KRT73: variants seen among roughly 807,000 people sequenced by gnomAD.
KRT73 encodes keratin 73.
Under a neutral mutation model 47.2 loss-of-function variants are expected in KRT73, and 44 were observed. The ratio of observed to expected loss-of-function variants is 0.93; its 90% CI spans 0.73 to 1.20. KRT73 has a LOEUF of 1.20. KRT73 is among the 50% of genes most tolerant of loss of function. The probability of loss-of-function intolerance (pLI) is 0.00; values close to 1 mark genes in which losing one functional copy is unlikely to be tolerated. For missense variants in KRT73, 713 were observed against 704.5 expected, an observed-to-expected ratio of 1.01 and a Z score of -0.14; for synonymous variants, 285 against 291.3, an observed-to-expected ratio of 0.98 and a Z score of 0.22.
chr12:52,622,427 C>G (rs1480512560), upstream of KRT73, among the ~76,000 whole-genome samples: 2 of 152,140 alleles, frequency 1.3e-5, no homozygotes, highest in Non-Finnish European at 2.9e-5. Context: ...CCCTCTCCTC[C>G]CCATATATGC....
At chr12:52,626,798 C>T in the KRT73 span, among the ~76,000 whole-genome samples, 43 of 152,280 alleles carry the variant, frequency 2.8e-4, no homozygotes, top group East Asian at 5.6e-3. Context: ...GGGAAGGCAA[C>T]GCAGCCATAG....
At position 52,618,273 on chromosome 12, in the gene KRT73, G is replaced by A; in HGVS notation, c.252C>T (p.Ser84=). ...ACCCCAAGGCCACACTGCCAAACAT[G>A]CTGCCAGCAAAGCCACTGGCCCGGC... ...GRGRASGFAG[S]MFGSVALGSV... The change falls in exon 1 of 9, where the codon AGC becomes AGT. Residue 84 remains serine, a synonymous_variant. Transcript: ENST00000305748. The A allele has an allele frequency of 1.2e-6, 2 of 1,614,170 alleles. No homozygotes were observed. Among genetic ancestry groups the A allele is most frequent in the South Asian group, 1.1e-5 (1 of 91,074 alleles).
At chr12:52,623,905 A>C in the KRT73 span, among the ~76,000 whole-genome samples, 3 of 152,076 alleles carry the variant, frequency 2.0e-5, 1 homozygote, top group South Asian at 6.2e-4. Flanking sequence ...AGTAGGAGAA[A>C]AACATAAATA....
At chr12:52,624,726 T>C in the KRT73 span, among the ~76,000 whole-genome samples, 77 of 152,136 alleles carry the variant, frequency 5.1e-4, no homozygotes, top group African/African-American at 1.7e-3. Flanking sequence ...CATTCACATT[T>C]GGAGGTAATG....
chr12:52,626,340 T>C, the KRT73 span, among the ~76,000 whole-genome samples: 5 of 152,224 alleles, frequency 3.3e-5, no homozygotes, highest in Admixed American at 2.6e-4. Flanking sequence ...GCAGAGTCCA[T>C]CCTTTTAACC....
At position 52,613,739 on chromosome 12, in the gene KRT73, C is replaced by T; in HGVS notation, c.933G>A (p.Glu311=). 1.9e-6 allele frequency: 3 copies of T among 1,614,238 alleles called. No homozygotes were observed. The highest frequency in any genetic ancestry group is 2.5e-6 in the Non-Finnish European group (3 of 1,180,048). ...SIIAEVRAQY[E]EIARKSKAEA... ...CGGCCTTGCTCTTCCGGGCGATCTC[C>T]TCATACTGGGCACGGACCTCAGCAA... The change falls in exon 5 of 9, where the codon GAG becomes GAA. Residue 311 remains glutamate (E), a synonymous_variant. Coordinates refer to ENST00000305748, the MANE Select transcript of KRT73 (RefSeq NM_175068.3).
the KRT73 span, among the ~76,000 whole-genome samples, chr12:52,630,165 C>T: frequency 6.6e-6 from 1 of 152,178 alleles, no homozygotes; most frequent in African/African-American, 2.4e-5. Context: ...GGTCAAAGGC[C>T]CTGACTGGAC....
In KRT73 at chr12:52,611,997, C is replaced by T. The variant is rs114621029; in HGVS notation, c.985-668G>A. 4.7e-3 allele frequency among the ~76,000 whole-genome samples: 709 copies of T among 152,330 alleles called. 4 individuals are homozygous for T. The highest frequency in any genetic ancestry group is 0.016 in the African/African-American group (665 of 41,566). Reference sequence around the variant, plus strand: ...AACCTGTTTCCATGTGTTCTCCATCCGACCCAGAATGAATGGATGACAGAG... The same window carrying T: ...AACCTGTTTCCATGTGTTCTCCATCTGACCCAGAATGAATGGATGACAGAG... On this transcript the variant is annotated intron_variant, in intron 5 of 8. Coordinates refer to ENST00000305748, the MANE Select transcript of KRT73 (RefSeq NM_175068.3).
chr12:52,615,219 T>G, intron 3 of KRT73, 60 bp downstream of exon 3: 2 of 1,441,160 alleles, frequency 1.4e-6, no homozygotes, highest in Non-Finnish European at 1.9e-6. Context: ...CAGCTGCTCC[T>G]CTCTCTTAGC....
At chr12:52,609,870 A>G (rs188476333) in intron 7 of KRT73, 2 of 153,392 alleles carry the variant, frequency 1.3e-5, no homozygotes, top group Non-Finnish European at 2.9e-5. Flanking sequence ...GGGTAAATAG[A>G]AACCAGTATT....
At chr12:52,618,830 T>C (rs545252377), upstream of KRT73, among the ~76,000 whole-genome samples, 1 of 152,342 alleles carries the variant, frequency 6.6e-6, no homozygotes, top group Admixed American at 6.5e-5. Context: ...GTGGGAGGTT[T>C]GTCGCAGTCT....
chr12:52,617,181 C>G (rs925839952), intron 1 of KRT73, among the ~76,000 whole-genome samples: 1 of 152,196 alleles, frequency 6.6e-6, no homozygotes, highest in Non-Finnish European at 1.5e-5. Flanking sequence ...TTCCCCACCT[C>G]CATCTGAAAA....
At chr12:52,610,529 GCCCCCTCC>G in intron 7 of KRT73, 78 bp downstream of exon 7, 4 of 295,154 alleles carry the variant, frequency 1.4e-5, no homozygotes, top group Non-Finnish European at 2.7e-5. Context: ...CCAGCTCGCC[GCCCCCTCC>G]CCCCCGCCCC....
At chr12:52,628,188 T>C in the KRT73 span, among the ~76,000 whole-genome samples, 1 of 152,108 alleles carries the variant, frequency 6.6e-6, no homozygotes, top group African/African-American at 2.4e-5. Context: ...TGGACATCAT[T>C]TCAAACTAGA....
chr12:52,624,961 CTTGAT>C, the KRT73 span, among the ~76,000 whole-genome samples: 3 of 151,872 alleles, frequency 2.0e-5, no homozygotes, highest in Admixed American at 6.6e-5. Flanking sequence ...AACAAAAAAT[CTTGAT>C]TTAAGTTTCA....
At position 52,618,428 on chromosome 12, in the gene KRT73, G is replaced by A. The variant is rs759670534; in HGVS notation, c.97C>T (p.Arg33Ter). 1.8e-5 allele frequency: 29 copies of A among 1,613,978 alleles called. No homozygotes were observed. Among genetic ancestry groups the A allele is most frequent in the African/African-American group, 8.0e-5 (6 of 74,932 alleles). Residue 33 changes from arginine (R) to a stop codon, truncating the protein, a stop_gained, in exon 1 of 9, where the codon CGA becomes TGA. Coordinates refer to ENST00000305748, the MANE Select transcript of KRT73 (RefSeq NM_175068.3). LOFTEE classifies it high-confidence loss of function. Reference protein sequence around the residue: ...VLSGGSSSSYRAGGKGLSGGF... With the variant: ...VLSGGSSSSY ...CCACTGAGCCCTTTGCCCCCTGCTC[G>A]GTAGGAGGATGAGCTGCCCCCTGAG...
In KRT73 at chr12:52,610,668, G is replaced by C. The variant is rs1411470988; in HGVS notation, c.1278C>G (p.Ser426=). The C allele has an allele frequency of 6.2e-7, 1 of 1,613,624 alleles. No homozygotes were observed. The highest frequency in any genetic ancestry group is 8.5e-7 in the Non-Finnish European group (1 of 1,179,924). Residue 426 remains serine, a synonymous_variant, in exon 7 of 9, where the codon TCC becomes TCG. Transcript: ENST00000305748. ...EYQELLSVKL[S]LDIEIATYRK... is the part of the protein sequence containing the mutation. Reference sequence around the variant, plus strand: ...GGTAGGTGGCGATCTCAATATCCAGGGACAGCTTCACGCTCAAAAGCTCTT... The same window carrying C: ...GGTAGGTGGCGATCTCAATATCCAGCGACAGCTTCACGCTCAAAAGCTCTT...
At chr12:52,630,330 G>C in the KRT73 span, among the ~76,000 whole-genome samples, 2 of 152,288 alleles carry the variant, frequency 1.3e-5, no homozygotes, top group South Asian at 4.1e-4. Flanking sequence ...CCACCTGCAC[G>C]CCTGGCCCTC....
the KRT73 span, among the ~76,000 whole-genome samples, chr12:52,629,737 A>C: frequency 1.3e-5 from 2 of 152,222 alleles, no homozygotes; most frequent in Non-Finnish European, 2.9e-5. Flanking sequence ...CGGGGCTCAG[A>C]GGAGAACAAC....
Sources: allele counts gnomAD v4.1 joint callset (sites outside exome capture counted in the v4.1 genomes callset), GRCh38; gene constraint gnomAD v4.1.1; transcripts MANE v1.5; gene names NCBI Gene and HGNC (gene_info 2026-07-23, HGNC 2026-07-21).